ADAMTS3: variants seen among roughly 807,000 people sequenced by gnomAD.
ADAMTS3 encodes ADAM metallopeptidase with thrombospondin type 1 motif 3, also known as A disintegrin and metalloproteinase with thrombospondin motifs 3.
ADAMTS3 carries 73 observed loss-of-function variants against 129.0 expected under a neutral mutation model. The observed-to-expected ratio is 0.57, with a 90% CI of 0.47 to 0.69. The LOEUF (loss-of-function observed/expected upper bound fraction) is 0.69, where lower values mean the gene tolerates loss of function less well. Ranked by LOEUF, ADAMTS3 falls within the 30% of genes least tolerant of loss-of-function variation. The pLI, the probability that ADAMTS3 is intolerant of heterozygous loss-of-function variation, is 0.00. For missense variants in ADAMTS3, 1,457 were observed against 1,514.5 expected, an observed-to-expected ratio of 0.96 and a Z score of 0.63; for synonymous variants, 477 against 510.8, an observed-to-expected ratio of 0.93 and a Z score of 0.89.
intron 3 of ADAMTS3, among the ~76,000 whole-genome samples, chr4:72,495,573 A>G (rs1312442800): frequency 1.3e-5 from 2 of 152,202 alleles, no homozygotes; most frequent in Non-Finnish European, 2.9e-5. Flanking sequence ...CCTTTAAAAC[A>G]TTGTTTTGTA....
chr4:72,496,752 A>G (rs1719882760), intron 3 of ADAMTS3, among the ~76,000 whole-genome samples: 1 of 152,008 alleles, frequency 6.6e-6, no homozygotes, highest in African/African-American at 2.4e-5. Flanking sequence ...TGGTAATCCA[A>G]TGGCCTCCTC....
At chr4:72,484,757 A>C (rs1257868099) in intron 3 of ADAMTS3, among the ~76,000 whole-genome samples, 1 of 152,230 alleles carries the variant, frequency 6.6e-6, no homozygotes, top group Non-Finnish European at 1.5e-5. Flanking sequence ...TGCAGCATAT[A>C]GCCTACCTTA....
At chr4:72,284,044 G>A (rs1333460858) in intron 21 of ADAMTS3, among the ~76,000 whole-genome samples, 2 of 152,020 alleles carry the variant, frequency 1.3e-5, no homozygotes, top group African/African-American at 4.8e-5. Flanking sequence ...TAAATTTTTA[G>A]GATGCAAAGG....
chr4:72,306,133 T>G (rs1719084134), intron 15 of ADAMTS3, 66 bp from the exon 16 acceptor site: 1 of 1,227,850 alleles, frequency 8.1e-7, no homozygotes, highest in African/African-American at 1.6e-5. Context: ...CATGGTTAGT[T>G]GAGCACTACA....
intron 6 of ADAMTS3, among the ~76,000 whole-genome samples, chr4:72,321,552 T>C (rs1719556058): frequency 6.6e-6 from 1 of 152,156 alleles, no homozygotes; most frequent in Non-Finnish European, 1.5e-5. Flanking sequence ...GGCTTAGATT[T>C]CAGTTTCATA....
At chr4:72,305,915 T>A in intron 16 of ADAMTS3, 72 bp downstream of exon 16, 1 of 1,229,696 alleles carries the variant, frequency 8.1e-7, no homozygotes, top group South Asian at 1.2e-5. Flanking sequence ...TACATATCTA[T>A]ATTTAGGATT....
intron 19 of ADAMTS3, 76 bp from the exon 20 acceptor site, chr4:72,291,138 A>C: frequency 3.3e-6 from 5 of 1,506,030 alleles, no homozygotes; most frequent in Admixed American, 1.9e-5. Flanking sequence ...CAAAGCCTAG[A>C]CTTTTCTGCT....
intron 7 of ADAMTS3, 37 bp downstream of exon 7, chr4:72,320,677 G>T (rs1335611439): frequency 1.9e-6 from 3 of 1,598,788 alleles, no homozygotes; most frequent in Non-Finnish European, 2.6e-6. Flanking sequence ...TAAAAGTCAT[G>T]CCCTCAAGTA....
intron 5 of ADAMTS3, among the ~76,000 whole-genome samples, chr4:72,339,257 C>T (rs1346048232): frequency 6.6e-6 from 1 of 152,138 alleles, no homozygotes; most frequent in Non-Finnish European, 1.5e-5. Context: ...ATTTATGATT[C>T]CCCCTTGACA....
intron 4 of ADAMTS3, among the ~76,000 whole-genome samples, chr4:72,399,077 A>G (rs889515103): frequency 6.6e-6 from 1 of 152,100 alleles, no homozygotes; most frequent in Non-Finnish European, 1.5e-5. Flanking sequence ...TTTTTTGTTC[A>G]GTTTTAAAAG....
intron 3 of ADAMTS3, among the ~76,000 whole-genome samples, chr4:72,531,353 G>A (rs1300984916): frequency 6.6e-6 from 1 of 152,098 alleles, no homozygotes; most frequent in Admixed American, 6.6e-5. Context: ...TCTTTGGCCA[G>A]GTTAAATTTA....
chr4:72,417,872 G>T (rs1261755964), intron 3 of ADAMTS3, among the ~76,000 whole-genome samples: 1 of 144,008 alleles, frequency 6.9e-6, no homozygotes, highest in Non-Finnish European at 1.5e-5. Flanking sequence ...GGCGGAGCTT[G>T]CAGTGAGCCG....
intron 3 of ADAMTS3, among the ~76,000 whole-genome samples, chr4:72,473,682 G>C (rs76220596): frequency 0.011 from 1,708 of 152,254 alleles, 32 homozygotes; most frequent in African/African-American, 0.039. Flanking sequence ...AGAAAGCCAA[G>C]TGGGGAGCTG....
Position 72,318,708 on chromosome 4 carries a change from T to C in ADAMTS3, c.1353-4A>G, listed in dbSNP as rs758578952. 7 of 1,608,572 alleles carry C rather than the reference T, an allele frequency of 4.4e-6. No homozygotes were observed. In the Admixed American group the frequency reaches 5.1e-5, roughly 12 times the overall value. On this transcript the variant is annotated splice_region_variant and splice_polypyrimidine_tract_variant and intron_variant, in intron 9 of 21. Transcript: ENST00000286657. ...ATCAAGGAGACAGTCATAGGAACTGTAGGAAGAAAAATATTGCATGTAGTT... is the reference window on the plus strand; with the variant it reads ...ATCAAGGAGACAGTCATAGGAACTGCAGGAAGAAAAATATTGCATGTAGTT...
Position 72,480,422 on chromosome 4 carries a change from C to G in ADAMTS3, c.505-65451G>C, listed in dbSNP as rs372258840. 5.3e-5 allele frequency among the ~76,000 whole-genome samples: 8 copies of G among 151,876 alleles called. No individual in the cohort carries two copies. In the South Asian group the frequency reaches 1.2e-3, roughly 24 times the overall value. ...GACATGGATGAAATTGGAAATCATC[C>G]TTCTCAGTAAACTATCGCAAGGACA... On this transcript the variant is annotated intron_variant, in intron 3 of 21. Transcript: ENST00000286657.
chr4:72,492,526 T>C (rs1046753001), intron 3 of ADAMTS3, among the ~76,000 whole-genome samples: 2 of 151,906 alleles, frequency 1.3e-5, no homozygotes, highest in African/African-American at 4.8e-5. Flanking sequence ...TTTCACTTTC[T>C]TGCTGTTACT....
chr4:72,389,854 T>C (rs553321362), intron 4 of ADAMTS3, among the ~76,000 whole-genome samples: 1 of 152,218 alleles, frequency 6.6e-6, no homozygotes, highest in East Asian at 1.9e-4. Flanking sequence ...ATAAATGAAA[T>C]TACATAGAAC....
chr4:72,418,273 T>G (rs999093433), intron 3 of ADAMTS3, among the ~76,000 whole-genome samples: 3 of 152,126 alleles, frequency 2.0e-5, no homozygotes, highest in African/African-American at 7.2e-5. Context: ...CTTTGGCCAC[T>G]GTTACTGTCC....
chr4:72,383,465 CATACTTGGAAGTTTGGGGTTGGGTAA>C (rs1397419980), intron 4 of ADAMTS3, among the ~76,000 whole-genome samples: 2 of 152,180 alleles, frequency 1.3e-5, no homozygotes, highest in Non-Finnish European at 2.9e-5. Context: ...TTGGGCATCA[CATACTTGGAAGTTTGGGGTTGGGTAA>C]GTGCAGTGGT....
Sources: gnomAD v4.1 joint callset for allele counts (sites outside exome capture counted in the v4.1 genomes callset) on GRCh38, gnomAD v4.1.1 for gene constraint, MANE v1.5 for transcripts, NCBI Gene and HGNC (gene_info 2026-07-23, HGNC 2026-07-21) for gene names.